The following SMOC2 variants were observed in gnomAD, a reference collection of about 807,000 sequenced individuals.
The protein encoded by SMOC2 is SPARC-related modular calcium-binding protein 2.
A neutral mutation model predicts 61.4 loss-of-function variants in SMOC2; 39 were observed. The observed-to-expected ratio is 0.64, with a 90% CI of 0.49 to 0.83. The LOEUF (loss-of-function observed/expected upper bound fraction) is 0.83. Among genes scored for constraint, SMOC2 ranks in the 40% least tolerant of loss-of-function variants. The pLI is 0.00. For synonymous variants in SMOC2, 247 were observed against 239.9 expected (o/e 1.03, Z -0.27); for missense variants, 556 against 592.9 (o/e 0.94, Z 0.65).
At chr6:168,504,710 G>A (rs1184329561) in intron 1 of SMOC2, among the ~76,000 whole-genome samples, 16 of 152,168 alleles carry the variant, frequency 1.1e-4, no homozygotes. Context: ...TCCTTATACA[G>A]CGTGGTCATT....
At chr6:168,599,160 C>T (rs943293284) in intron 8 of SMOC2, among the ~76,000 whole-genome samples, 156 bp downstream of exon 8, 2 of 144,848 alleles carry the variant, frequency 1.4e-5, no homozygotes, top group East Asian at 2.1e-4. Flanking sequence ...TACCCACACA[C>T]ACCCACGCTC....
rs202018946 is a variant in SMOC2, at chr6:168,536,117, C to T, written c.464-7508C>T. Among the ~76,000 whole-genome samples the T allele has an allele frequency of 2.0e-5, 3 of 152,184 alleles. No homozygotes were observed. The East Asian group carries it at 5.8e-4, about 29-fold the overall frequency. On this transcript the variant is annotated intron_variant, in intron 4 of 12. Coordinates refer to ENST00000356284, the MANE Select transcript of SMOC2 (RefSeq NM_001166412.2). ...CGTGTGGCCAAAGTTTGCTTTCTGCCGAGTTTCCAGGCAGCGCTGGTGCTC... is the reference window on the plus strand; with the variant it reads ...CGTGTGGCCAAAGTTTGCTTTCTGCTGAGTTTCCAGGCAGCGCTGGTGCTC...
At position 168,509,982 on chromosome 6, in the gene SMOC2, C is replaced by G; in HGVS notation, c.152C>G (p.Pro51Arg). 7 of 1,614,174 alleles carry G rather than the reference C, an allele frequency of 4.3e-6. No individual in the cohort carries two copies. The highest frequency in any genetic ancestry group is 5.9e-6 in the Non-Finnish European group (7 of 1,180,032). Reference protein sequence around the residue: ...SLDCAGSPQKPLCASDGRTFL... With the variant: ...SLDCAGSPQKRLCASDGRTFL... Reference sequence around the variant, plus strand: ...GACTGTGCGGGTTCGCCCCAGAAACCTCTCTGCGCATCTGACGGAAGGACC... The same window carrying G: ...GACTGTGCGGGTTCGCCCCAGAAACGTCTCTGCGCATCTGACGGAAGGACC... Residue 51 changes from proline (P) to arginine (R), a missense_variant, in exon 2 of 13, where the codon CCT becomes CGT. Transcript: ENST00000356284.
Position 168,553,079 on chromosome 6 carries a change from C to T in SMOC2, c.637+3876C>T, listed in dbSNP as rs773747103. On this transcript the variant is annotated intron_variant, in intron 7 of 12. Transcript: ENST00000356284. This position sits in a 1 kb window ranked among gnomAD's most constrained non-coding sequence, Gnocchi z 4.2. ...AACAAACAAAATAACCAAATTAATA[C>T]ATAACTGGAAAAGAGAGAATCTAGG... 6.6e-6 allele frequency among the ~76,000 whole-genome samples: 1 copy of T among 152,128 alleles called. No individual in the cohort carries two copies. Among genetic ancestry groups the T allele is most frequent in the Non-Finnish European group, 1.5e-5 (1 of 68,018 alleles).
Position 168,441,346 on chromosome 6 carries a change from T to A in SMOC2, c.-25T>A, listed in dbSNP as rs1279878820. 1 of 1,498,466 alleles carries A rather than the reference T, an allele frequency of 6.7e-7. No individual in the cohort carries two copies. Among genetic ancestry groups the A allele is most frequent in the East Asian group, 2.8e-5 (1 of 35,174 alleles). 92.8% of individuals were successfully genotyped at this position (1,498,466 alleles called of 1,614,324 possible). A position where few individuals can be genotyped will look rare whatever the true frequency, so the allele number is the denominator to read the frequency against. On this transcript the variant is annotated 5_prime_UTR_variant, in exon 1 of 13. Coordinates refer to ENST00000356284, the MANE Select transcript of SMOC2 (RefSeq NM_001166412.2). ...GCCAGGGCGCAGGACGCGGCCGATC[T>A]CCCGCTCCCGCCACCTCCGCCACCA...
chr6:168,549,566 C>T (rs572260193), intron 7 of SMOC2, among the ~76,000 whole-genome samples: 7 of 152,130 alleles, frequency 4.6e-5, no homozygotes, highest in Non-Finnish European at 8.8e-5. Flanking sequence ...TCTTCGTTCT[C>T]CTCATCGTCT....
At chr6:168,480,528 G>T (rs1173117076) in intron 1 of SMOC2, among the ~76,000 whole-genome samples, 1 of 152,054 alleles carries the variant, frequency 6.6e-6, no homozygotes, top group Non-Finnish European at 1.5e-5. Flanking sequence ...TGGAAGAAAG[G>T]ATCAGCAAAC....
chr6:168,606,823 G>A (rs969328753), intron 8 of SMOC2, among the ~76,000 whole-genome samples: 1 of 152,086 alleles, frequency 6.6e-6, no homozygotes, highest in Non-Finnish European at 1.5e-5. Flanking sequence ...CCCCAAGACT[G>A]CACCTGTGCC....
intron 7 of SMOC2, among the ~76,000 whole-genome samples, chr6:168,552,278 T>C (rs1784145202): frequency 6.6e-6 from 1 of 152,236 alleles, no homozygotes; most frequent in South Asian, 2.1e-4. Flanking sequence ...AAGAGTGTCA[T>C]TTATACTTAA....
intron 9 of SMOC2, among the ~76,000 whole-genome samples, chr6:168,640,094 T>C (rs911950): frequency 0.011 from 1,600 of 152,298 alleles, 35 homozygotes; most frequent in African/African-American, 0.037. Flanking sequence ...TGCTCCCTCC[T>C]GATGGATCAC....
At chr6:168,590,739 A>G (rs944757511) in intron 7 of SMOC2, among the ~76,000 whole-genome samples, 1 of 152,246 alleles carries the variant, frequency 6.6e-6, no homozygotes, top group Non-Finnish European at 1.5e-5. Context: ...ACTTCATTTA[A>G]TGAAATAATT....
intron 1 of SMOC2, among the ~76,000 whole-genome samples, chr6:168,442,582 C>A (rs986503624): frequency 6.6e-6 from 1 of 152,192 alleles, no homozygotes; most frequent in Non-Finnish European, 1.5e-5. Flanking sequence ...GGTGGACAGC[C>A]GTCTTTTTTA....
chr6:168,523,079 A>ATTCATTTTTTTTTTT, intron 2 of SMOC2, among the ~76,000 whole-genome samples: 1 of 93,694 alleles, frequency 1.1e-5, no homozygotes, highest in South Asian at 4.2e-4. Context: ...TTGTACAGTA[A>ATTCATTTTTTTTTTT]TTTTTTTTTT....
chr6:168,547,022 C>G, intron 5 of SMOC2, 97 bp from the exon 6 acceptor site: 1 of 1,444,618 alleles, frequency 6.9e-7, no homozygotes, highest in South Asian at 1.1e-5. Context: ...TCTGTGGGGA[C>G]TGAGTGCAAG....
At chr6:168,571,620 T>C (rs1784667563) in intron 7 of SMOC2, among the ~76,000 whole-genome samples, 1 of 152,150 alleles carries the variant, frequency 6.6e-6, no homozygotes, top group Admixed American at 6.5e-5. Flanking sequence ...GTATACTGTG[T>C]GTAGTATTTT....
rs189392628 is a variant in SMOC2 at position 168,503,516 on chromosome 6, C to T, written c.85-6399C>T. On this transcript the variant is annotated intron_variant, in intron 1 of 12. Transcript: ENST00000356284. ...GAGGCTGGGAAGCAAATGCCCTCCC[C>T]GCATGGTGGTTTTCTTCATGGTACT... is the stretch of plus-strand genomic sequence containing the variant. Among the ~76,000 whole-genome samples the T allele has an allele frequency of 2.0e-3, 312 of 152,268 alleles. 1 individual carries two copies. The highest frequency in any genetic ancestry group is 7.1e-3 in the African/African-American group (293 of 41,550).
chr6:168,545,539 G>C (rs1583098210), intron 5 of SMOC2, among the ~76,000 whole-genome samples: 1 of 152,238 alleles, frequency 6.6e-6, no homozygotes, highest in African/African-American at 2.4e-5. Context: ...AGGGACGGGG[G>C]CATGGAGTAG....
chr6:168,621,115 A>G (rs1318458935), intron 9 of SMOC2, among the ~76,000 whole-genome samples: 1 of 149,796 alleles, frequency 6.7e-6, no homozygotes, highest in Non-Finnish European at 1.5e-5. Context: ...ATCTTTCAGA[A>G]ACGTCAGAGG....
Position 168,601,145 on chromosome 6 carries a change from A to G in SMOC2, c.824+2141A>G, listed in dbSNP as rs146535396. ...TCCAAATTTGTCACCAAGTGTCACC[A>G]GTAGACATTTGTGGGGGAAACTGTG... On this transcript the variant is annotated intron_variant, in intron 8 of 12. Transcript: ENST00000356284. 5.5e-3 allele frequency among the ~76,000 whole-genome samples: 840 copies of G among 152,378 alleles called. 7 individuals carry two copies. Among genetic ancestry groups the G allele is most frequent in the African/African-American group, 0.017 (706 of 41,594 alleles).
Sources: gnomAD v4.1 joint callset for allele counts (sites outside exome capture counted in the v4.1 genomes callset) on GRCh38, gnomAD v4.1.1 for gene constraint, Gnocchi (gnomAD v3.1) non-coding constraint, MANE v1.5 for transcripts, NCBI Gene and HGNC (gene_info 2026-07-23, HGNC 2026-07-21) for gene names.